The following CFAP44 variants were observed in gnomAD, a reference collection of about 807,000 sequenced individuals.
The protein encoded by CFAP44 is cilia- and flagella-associated protein 44.
In CFAP44, 134 loss-of-function variants were observed where a neutral mutation model predicts 216.2. That is an observed-to-expected ratio of 0.62 (90% CI 0.54 to 0.72). The LOEUF is 0.72. Ranked by LOEUF, CFAP44 falls within the 30% of genes least tolerant of loss-of-function variation. The probability of loss-of-function intolerance (pLI) is 0.00; values close to 1 mark genes in which losing one functional copy is unlikely to be tolerated. For missense variants in CFAP44, 2,035 were observed against 2,182.1 expected, an observed-to-expected ratio of 0.93 and a Z score of 1.34; for synonymous variants, 700 against 727.6, an observed-to-expected ratio of 0.96 and a Z score of 0.61.
At chr3:113,307,443 T>C (rs1301409408) in intron 29 of CFAP44, among the ~76,000 whole-genome samples, 1 of 152,194 alleles carries the variant, frequency 6.6e-6, no homozygotes, top group East Asian at 1.9e-4. Context: ...GACCATACTA[T>C]TGGAAATAGC....
At chr3:113,418,154 C>A (rs1934701300) in intron 5 of CFAP44, among the ~76,000 whole-genome samples, 1 of 152,050 alleles carries the variant, frequency 6.6e-6, no homozygotes, top group African/African-American at 2.4e-5. Flanking sequence ...GTGGCATGAT[C>A]TCTGCTGTCT....
At chr3:113,345,240 G>A (rs997431686) in intron 22 of CFAP44, among the ~76,000 whole-genome samples, 1 of 151,346 alleles carries the variant, frequency 6.6e-6, no homozygotes, top group South Asian at 2.1e-4. Flanking sequence ...AAACAAATAT[G>A]TTAATATCTG....
chr3:113,312,676 G>A (rs564859144), intron 28 of CFAP44, among the ~76,000 whole-genome samples: 5 of 152,104 alleles, frequency 3.3e-5, no homozygotes, highest in Admixed American at 2.6e-4. Context: ...CAGGGTCCCC[G>A]TGCTGTGTGC....
intron 4 of CFAP44, among the ~76,000 whole-genome samples, chr3:113,424,391 G>A (rs1009245174): frequency 1.3e-5 from 2 of 152,096 alleles, no homozygotes; most frequent in African/African-American, 4.8e-5. Flanking sequence ...AGCAGAGATC[G>A]TGCCATTGCA....
intron 21 of CFAP44, among the ~76,000 whole-genome samples, chr3:113,359,892 C>T (rs1012132483): frequency 6.6e-6 from 1 of 151,998 alleles, no homozygotes; most frequent in African/African-American, 2.4e-5. Flanking sequence ...ATAGCTACAA[C>T]TAAATTAAAT....
At chr3:113,374,377 T>TTATTTATC (rs1421379248) in intron 17 of CFAP44, among the ~76,000 whole-genome samples, 2 of 149,674 alleles carry the variant, frequency 1.3e-5, no homozygotes, top group Non-Finnish European at 3.0e-5. Context: ...ATTTATTTAT[T>TTATTTATC]TATTTATTTA....
intron 20 of CFAP44, 37 bp downstream of exon 20, chr3:113,363,440 C>A: frequency 6.3e-7 from 1 of 1,590,864 alleles, no homozygotes; most frequent in Non-Finnish European, 8.5e-7. Flanking sequence ...TTTGCAAAAT[C>A]TCAGGCCTAG....
chr3:113,423,268 C>T (rs1370173657), intron 4 of CFAP44, among the ~76,000 whole-genome samples: 1 of 151,920 alleles, frequency 6.6e-6, no homozygotes, highest in Non-Finnish European at 1.5e-5. Context: ...GTGTGCACCA[C>T]CACACCTGGC....
intron 11 of CFAP44, among the ~76,000 whole-genome samples, 186 bp from the exon 12 acceptor site, chr3:113,400,830 C>T (rs1220040673): frequency 6.6e-6 from 1 of 151,954 alleles, no homozygotes; most frequent in East Asian, 1.9e-4. Flanking sequence ...GAGTCCTGGG[C>T]TTTGTCCTTA....
intron 15 of CFAP44, among the ~76,000 whole-genome samples, chr3:113,390,296 T>C (rs193043785): frequency 6.6e-6 from 1 of 152,062 alleles, no homozygotes; most frequent in Non-Finnish European, 1.5e-5. Flanking sequence ...AAATTCAACA[T>C]CCCATCATGA....
intron 24 of CFAP44, among the ~76,000 whole-genome samples, chr3:113,338,895 G>A (rs1313818291): frequency 6.6e-6 from 1 of 152,144 alleles, no homozygotes; most frequent in Non-Finnish European, 1.5e-5. Context: ...GGATCCGGAG[G>A]AGCAAGGCTG....
intron 32 of CFAP44, among the ~76,000 whole-genome samples, chr3:113,301,372 G>GA (rs1949933120): frequency 6.6e-6 from 1 of 152,062 alleles, no homozygotes. Context: ...TGAATATGGG[G>GA]AGACAGAGAA....
chr3:113,289,370 A>G lies in CFAP44; in HGVS notation c.*2187T>C, dbSNP rs1459560683. 1 of 152,240 alleles carries G rather than the reference A, an allele frequency of 6.6e-6. No individual in the cohort carries two copies. The highest frequency in any genetic ancestry group is 6.5e-5 in the Admixed American group (1 of 15,292). 9.4% of individuals were successfully genotyped at this position (152,240 alleles called of 1,614,324 possible). A position where few individuals can be genotyped will look rare whatever the true frequency, so the allele number is the denominator to read the frequency against. On this transcript the variant is annotated 3_prime_UTR_variant, in exon 35 of 35. Transcript: ENST00000393845. ...TTTCCTCTCAGTTGAAATGCACAGC[A>G]AGTCCTGATGTGGCTCTTCTGTAGA...
intron 1 of CFAP44, among the ~76,000 whole-genome samples, chr3:113,440,192 T>C (rs1011696307): frequency 6.6e-6 from 1 of 151,914 alleles, no homozygotes; most frequent in Non-Finnish European, 1.5e-5. Context: ...GCCTCCCGAG[T>C]AGCTGCGATT....
At chr3:113,366,825 G>T (rs1376875268) in intron 18 of CFAP44, among the ~76,000 whole-genome samples, 1 of 152,232 alleles carries the variant, frequency 6.6e-6, no homozygotes, top group Non-Finnish European at 1.5e-5. Flanking sequence ...AACTGTGACA[G>T]ACTGTACCTG....
chr3:113,395,401 TAG>T (rs1321660651), intron 15 of CFAP44, among the ~76,000 whole-genome samples: 12 of 152,188 alleles, frequency 7.9e-5, no homozygotes, highest in African/African-American at 2.9e-4. Context: ...TTCTGATTGT[TAG>T]AGAGACTGAC....
chr3:113,341,696 G>T, intron 24 of CFAP44, 48 bp downstream of exon 24: 1 of 1,382,214 alleles, frequency 7.2e-7, no homozygotes, highest in Non-Finnish European at 9.4e-7. Context: ...ATATTATTTT[G>T]GGGCTCACAT....
chr3:113,427,067 A>G, intron 3 of CFAP44, 120 bp downstream of exon 3: 1 of 1,091,090 alleles, frequency 9.2e-7, no homozygotes, highest in Non-Finnish European at 1.3e-6. Context: ...TCCTTTTATC[A>G]TTCCCACACA....
At chr3:113,440,360 C>T (rs1176035797) in intron 1 of CFAP44, among the ~76,000 whole-genome samples, 1 of 152,102 alleles carries the variant, frequency 6.6e-6, no homozygotes, top group Non-Finnish European at 1.5e-5. Flanking sequence ...CGCGCACAGC[C>T]TATTATTATT....
Sources: gnomAD v4.1 joint callset for allele counts (sites outside exome capture counted in the v4.1 genomes callset) on GRCh38, gnomAD v4.1.1 for gene constraint, MANE v1.5 for transcripts, NCBI Gene and HGNC (gene_info 2026-07-23, HGNC 2026-07-21) for gene names.